Variants in IL1RAPL1 observed in about 807,000 individuals in gnomAD.
The protein encoded by IL1RAPL1 is interleukin 1 receptor accessory protein like 1.
A neutral mutation model predicts 48.4 loss-of-function variants in IL1RAPL1; 3 were observed. The observed-to-expected ratio is 0.06, with a 90% CI of 0.03 to 0.16. IL1RAPL1 has a LOEUF of 0.16. IL1RAPL1 is among the 10% of genes least tolerant of loss of function. The probability of loss-of-function intolerance (pLI) is 1.00; values close to 1 mark genes in which losing one functional copy is unlikely to be tolerated. For synonymous variants in IL1RAPL1, 185 were observed against 187.7 expected (o/e 0.99, Z 0.12); for missense variants, 349 against 530.6 (o/e 0.66, Z 3.36).
At chrX:29,614,900 C>T (rs1602327184) in intron 5 of IL1RAPL1, among the ~76,000 whole-genome samples, 1 of 109,155 alleles carries the variant, frequency 9.2e-6, no homozygotes, top group East Asian at 2.9e-4. Flanking sequence ...ACGGAGCTTG[C>T]AGTGAGCGGA....
intron 1 of IL1RAPL1, among the ~76,000 whole-genome samples, chrX:28,608,005 G>A (rs755812387): frequency 9.0e-6 from 1 of 111,401 alleles, no homozygotes; most frequent in African/African-American, 3.3e-5. Context: ...GATAGACAAG[G>A]TTTCTTTCCT....
At chrX:29,464,310 G>A (rs923509993) in intron 5 of IL1RAPL1, among the ~76,000 whole-genome samples, 1 of 111,458 alleles carries the variant, frequency 9.0e-6, no homozygotes, top group African/African-American at 3.3e-5. Context: ...AGTAGATGCA[G>A]GATCATCAAG....
chrX:28,608,527 T>A (rs1601832852), intron 1 of IL1RAPL1, among the ~76,000 whole-genome samples: 2 of 112,093 alleles, frequency 1.8e-5, no homozygotes, highest in South Asian at 3.7e-4. Context: ...CTTACCTTAA[T>A]CTTTACCACT....
intron 2 of IL1RAPL1, among the ~76,000 whole-genome samples, chrX:29,071,915 G>T (rs1927573113): frequency 8.9e-6 from 1 of 111,785 alleles, no homozygotes; most frequent in Non-Finnish European, 1.9e-5. Flanking sequence ...TAAGTGAAAA[G>T]AAATTCTTAA....
chrX:29,743,417 T>C (rs1928257488), intron 6 of IL1RAPL1, among the ~76,000 whole-genome samples: 1 of 111,209 alleles, frequency 9.0e-6, no homozygotes, highest in Admixed American at 9.6e-5. Context: ...CGGGCAAATA[T>C]AATGCTGCTG....
chrX:29,199,113 T>C, intron 2 of IL1RAPL1, among the ~76,000 whole-genome samples: 1 of 112,069 alleles, frequency 8.9e-6, no homozygotes, highest in Non-Finnish European at 1.9e-5. Flanking sequence ...TAAATTATGG[T>C]GGTTAATTTG....
chrX:28,829,214 G>A (rs1263785124), intron 2 of IL1RAPL1, among the ~76,000 whole-genome samples: 1 of 111,397 alleles, frequency 9.0e-6, no homozygotes, highest in African/African-American at 3.3e-5. Context: ...GCTGAACTTG[G>A]TTTTTAGCTC....
At chrX:29,824,860 G>GA (rs1930698943) in intron 6 of IL1RAPL1, among the ~76,000 whole-genome samples, 1 of 107,193 alleles carries the variant, frequency 9.3e-6, no homozygotes, top group Non-Finnish European at 1.9e-5. Flanking sequence ...GCTGGAGGGA[G>GA]AAAAAGGTAG....
chrX:28,600,679 G>A (rs1173039185), intron 1 of IL1RAPL1, among the ~76,000 whole-genome samples: 2 of 111,371 alleles, frequency 1.8e-5, no homozygotes, highest in East Asian at 2.8e-4. Context: ...GGAATAAGTC[G>A]AATGTAGATT....
chrX:28,705,802 A>G (rs1391576777), intron 1 of IL1RAPL1, among the ~76,000 whole-genome samples: 4 of 112,087 alleles, frequency 3.6e-5, no homozygotes, highest in Admixed American at 9.5e-5. Flanking sequence ...GGACCACTCT[A>G]TGCGTATATG....
intron 6 of IL1RAPL1, among the ~76,000 whole-genome samples, chrX:29,758,214 T>C (rs1928665336): frequency 8.9e-6 from 1 of 112,133 alleles, no homozygotes; most frequent in Non-Finnish European, 1.9e-5. Context: ...TAAGAAACTT[T>C]CCAAATTAAT....
intron 2 of IL1RAPL1, among the ~76,000 whole-genome samples, chrX:29,030,758 G>T (rs1019284305): frequency 9.0e-6 from 1 of 111,301 alleles, no homozygotes; most frequent in Admixed American, 9.6e-5. Flanking sequence ...ACTCCTATTT[G>T]AAGAGTGAAA....
At chrX:28,945,468 G>C (rs1311010300) in intron 2 of IL1RAPL1, among the ~76,000 whole-genome samples, 1 of 111,012 alleles carries the variant, frequency 9.0e-6, no homozygotes, top group African/African-American at 3.3e-5. Flanking sequence ...GATGAAGCTG[G>C]AAGCCATAAT....
chrX:29,090,657 A>G (rs943849183), intron 2 of IL1RAPL1, among the ~76,000 whole-genome samples: 2 of 112,106 alleles, frequency 1.8e-5, no homozygotes, highest in African/African-American at 3.2e-5. Context: ...ATTGGCTGCC[A>G]TTCTCTCTCA....
At chrX:29,166,166 C>T (rs1267511667) in intron 2 of IL1RAPL1, among the ~76,000 whole-genome samples, 5 of 112,290 alleles carry the variant, frequency 4.5e-5, no homozygotes, top group Non-Finnish European at 9.4e-5. Context: ...ATCATGTGTT[C>T]ATGCTGGAAG....
chrX:29,180,861 T>C (rs1403842266), intron 2 of IL1RAPL1, among the ~76,000 whole-genome samples: 2 of 111,762 alleles, frequency 1.8e-5, no homozygotes, highest in African/African-American at 6.5e-5. Context: ...TTCCTGTATC[T>C]TTATCTGTAT....
At chrX:29,226,939 C>T (rs1931093994) in intron 2 of IL1RAPL1, among the ~76,000 whole-genome samples, 1 of 109,915 alleles carries the variant, frequency 9.1e-6, no homozygotes, top group African/African-American at 3.3e-5. Context: ...AAATTGAATT[C>T]TCCAAAGAAC....
chrX:29,207,582 G>A (rs1303917768), intron 2 of IL1RAPL1, among the ~76,000 whole-genome samples: 1 of 112,025 alleles, frequency 8.9e-6, no homozygotes, highest in Non-Finnish European at 1.9e-5. Context: ...TTTCTTACGA[G>A]TTTTAGTGTG....
intron 2 of IL1RAPL1, among the ~76,000 whole-genome samples, chrX:28,794,873 T>G (rs2147268237): frequency 8.9e-6 from 1 of 112,091 alleles, no homozygotes; most frequent in East Asian, 2.8e-4. Context: ...GAGATTTAAC[T>G]GAATAGGAAT....
Sources: allele counts gnomAD v4.1 joint callset (sites outside exome capture counted in the v4.1 genomes callset), GRCh38; gene constraint gnomAD v4.1.1; transcripts MANE v1.5; gene names NCBI Gene and HGNC (gene_info 2026-07-23, HGNC 2026-07-21).